BMPR1A: variants seen among roughly 807,000 people sequenced by gnomAD.
BMPR1A encodes the protein bone morphogenetic protein receptor type-1A.
Under a neutral mutation model 66.0 loss-of-function variants are expected in BMPR1A, and 7 were observed. The ratio of observed to expected loss-of-function variants is 0.11; its 90% CI spans 0.06 to 0.20. BMPR1A has a LOEUF of 0.20. BMPR1A is among the 10% of genes least tolerant of loss of function. The pLI, the probability that BMPR1A is intolerant of heterozygous loss-of-function variation, is 1.00. For synonymous variants in BMPR1A, 200 were observed against 229.7 expected (o/e 0.87, Z 1.17); for missense variants, 408 against 669.1 (o/e 0.61, Z 4.31).
At chr10:86,873,547 C>G (rs1842879960) in intron 2 of BMPR1A, among the ~76,000 whole-genome samples, 2 of 151,864 alleles carry the variant, frequency 1.3e-5, no homozygotes, top group African/African-American at 4.8e-5. Flanking sequence ...GCCAGGGTTT[C>G]TGGCATGGTA....
chr10:86,841,362 T>C (rs1374190722), intron 2 of BMPR1A, among the ~76,000 whole-genome samples: 1 of 152,178 alleles, frequency 6.6e-6, no homozygotes, highest in African/African-American at 2.4e-5. Flanking sequence ...ATCACTGATA[T>C]GCCCATAATT....
chr10:86,892,862 CAA>C (rs575847316), intron 5 of BMPR1A, among the ~76,000 whole-genome samples: 5,915 of 93,932 alleles, frequency 0.063, 165 homozygotes, highest in South Asian at 0.12. Flanking sequence ...GACCCTGTCT[CAA>C]AAAAAAAAAA....
At chr10:86,921,756 C>T (rs1178167224) in intron 11 of BMPR1A, 61 bp downstream of exon 11, 2 of 1,606,094 alleles carry the variant, frequency 1.2e-6, no homozygotes, top group African/African-American at 2.7e-5. Context: ...AATAACAGCT[C>T]CAGTTATATA....
At chr10:86,797,736 T>TTC (rs935046005) in intron 1 of BMPR1A, among the ~76,000 whole-genome samples, 1 of 152,128 alleles carries the variant, frequency 6.6e-6, no homozygotes, top group African/African-American at 2.4e-5. Context: ...TCTTCTGTAC[T>TTC]TCTGTGTGTT....
chr10:86,900,391 C>T (rs1209586355), intron 7 of BMPR1A, among the ~76,000 whole-genome samples: 2 of 150,216 alleles, frequency 1.3e-5, no homozygotes, highest in Non-Finnish European at 3.0e-5. Context: ...TGAATGTTTT[C>T]GATCTGTCCC....
rs1161123911 is a variant in BMPR1A, at chr10:86,892,237, A to G, written c.333+8A>G. ...TCTGATTTTCAGTGCAAAGTAAGAT[A>G]TAATTTGGGACCCATGAGACAAAGA... On this transcript the variant is annotated splice_region_variant and intron_variant, in intron 5 of 12. Coordinates refer to ENST00000372037, the MANE Select transcript of BMPR1A (RefSeq NM_004329.3). The G allele has an allele frequency of 1.2e-6, 2 of 1,607,258 alleles. No individual in the cohort carries two copies. Among genetic ancestry groups the G allele is most frequent in the East Asian group, 2.2e-5 (1 of 44,830 alleles).
intron 1 of BMPR1A, among the ~76,000 whole-genome samples, chr10:86,785,281 A>G (rs1419223585): frequency 1.3e-5 from 2 of 152,146 alleles, no homozygotes; most frequent in African/African-American, 4.8e-5. Flanking sequence ...ATGTGTATTC[A>G]GCTAGTGTTG....
At chr10:86,895,568 A>G (rs1843213947) in intron 5 of BMPR1A, among the ~76,000 whole-genome samples, 1 of 152,168 alleles carries the variant, frequency 6.6e-6, no homozygotes, top group Admixed American at 6.5e-5. Context: ...ACAATGGTAT[A>G]ATAGTCTCCT....
At chr10:86,767,173 G>A (rs1841178773) in intron 1 of BMPR1A, among the ~76,000 whole-genome samples, 1 of 152,110 alleles carries the variant, frequency 6.6e-6, no homozygotes, top group Non-Finnish European at 1.5e-5. Context: ...AAACATTCAT[G>A]ATATAAGGTT....
At chr10:86,792,631 A>G (rs1427371341) in intron 1 of BMPR1A, among the ~76,000 whole-genome samples, 1 of 152,198 alleles carries the variant, frequency 6.6e-6, no homozygotes, top group African/African-American at 2.4e-5. Context: ...ATCTGTCTCT[A>G]TAAAACAAAC....
At chr10:86,883,241 C>T (rs1278185031) in intron 3 of BMPR1A, among the ~76,000 whole-genome samples, 8 of 152,054 alleles carry the variant, frequency 5.3e-5, no homozygotes, top group Non-Finnish European at 8.8e-5. Flanking sequence ...GTAATCACAG[C>T]ATTTTGGGAG....
intron 1 of BMPR1A, among the ~76,000 whole-genome samples, chr10:86,791,624 G>A (rs1166772645): frequency 6.7e-6 from 1 of 148,876 alleles, no homozygotes; most frequent in East Asian, 2.0e-4. Flanking sequence ...AAAAAAAAAA[G>A]CCCTGTCCAT....
intron 1 of BMPR1A, 150 bp from the exon 2 acceptor site, chr10:86,838,715 A>C (rs1330949105): frequency 1.3e-5 from 2 of 152,140 alleles, no homozygotes; most frequent in African/African-American, 4.8e-5. Context: ...TGGTAAAGTG[A>C]TAGATTTCGT....
chr10:86,788,601 C>T (rs1224279731), intron 1 of BMPR1A, among the ~76,000 whole-genome samples: 2 of 152,064 alleles, frequency 1.3e-5, no homozygotes, highest in African/African-American at 2.4e-5. Context: ...AGTGTTCAAG[C>T]GGTTCTTCCC....
intron 1 of BMPR1A, among the ~76,000 whole-genome samples, chr10:86,777,077 C>T (rs1429329482): frequency 6.6e-6 from 1 of 152,130 alleles, no homozygotes; most frequent in African/African-American, 2.4e-5. Flanking sequence ...CCTCACCATA[C>T]TCTCTCCTTA....
chr10:86,886,342 C>G (rs967489309), intron 3 of BMPR1A, among the ~76,000 whole-genome samples: 4 of 152,154 alleles, frequency 2.6e-5, no homozygotes, highest in African/African-American at 9.7e-5. Context: ...TATAAAATGT[C>G]TCTGGCTGCT....
intron 2 of BMPR1A, among the ~76,000 whole-genome samples, chr10:86,869,263 G>T (rs1842823242): frequency 6.6e-6 from 1 of 152,022 alleles, no homozygotes; most frequent in African/African-American, 2.4e-5. Context: ...TTCAAGACCA[G>T]CCTGGCCAAC....
chr10:86,923,255 CTA>C (rs942837244), intron 11 of BMPR1A, 119 bp from the exon 12 acceptor site: 2 of 1,345,388 alleles, frequency 1.5e-6, no homozygotes, highest in African/African-American at 1.5e-5. Context: ...ATCATAGTGT[CTA>C]TATTTTTTCT....
intron 3 of BMPR1A, among the ~76,000 whole-genome samples, chr10:86,881,600 A>G (rs1051734000): frequency 6.6e-6 from 1 of 152,236 alleles, no homozygotes; most frequent in Non-Finnish European, 1.5e-5. Flanking sequence ...CATATTGGAC[A>G]GCACAGCTCT....
Sources: gnomAD v4.1 joint callset for allele counts (sites outside exome capture counted in the v4.1 genomes callset) on GRCh38, gnomAD v4.1.1 for gene constraint, MANE v1.5 for transcripts, NCBI Gene and HGNC (gene_info 2026-07-23, HGNC 2026-07-21) for gene names.